RAB44: variants seen among roughly 807,000 people sequenced by gnomAD.
RAB44 encodes the protein RAB44, member RAS oncogene family.
In RAB44, 67 loss-of-function variants were observed where a neutral mutation model predicts 93.3. The observed-to-expected ratio is 0.72, with a 90% CI of 0.59 to 0.88. The LOEUF (loss-of-function observed/expected upper bound fraction) is 0.88. Ranked by LOEUF, RAB44 falls within the 40% of genes least tolerant of loss-of-function variation. RAB44 has a pLI of 0.00. For missense variants in RAB44, 1,064 were observed against 1,261.7 expected, an observed-to-expected ratio of 0.84 and a Z score of 2.37; for synonymous variants, 427 against 520.3, an observed-to-expected ratio of 0.82 and a Z score of 2.44.
intron 2 of RAB44, among the ~76,000 whole-genome samples, chr6:36,712,922 A>G (rs573794407): frequency 4.6e-5 from 7 of 152,308 alleles, no homozygotes; most frequent in African/African-American, 1.2e-4. Context: ...ACAGAAAGGA[A>G]AAAAAGTAAC....
intron 7 of RAB44, 112 bp downstream of exon 7, chr6:36,718,700 G>A: frequency 2.1e-6 from 1 of 478,154 alleles, no homozygotes; most frequent in Non-Finnish European, 3.3e-6. Context: ...AGAAGGTACT[G>A]TGATGATTAG....
At chr6:36,712,027 G>T (rs552819563) in intron 2 of RAB44, among the ~76,000 whole-genome samples, 5 of 152,342 alleles carry the variant, frequency 3.3e-5, no homozygotes, top group Admixed American at 6.5e-5. Context: ...AGCAGGCTGG[G>T]CGTGGTGGCT....
chr6:36,716,899 C>A (rs1184262225), intron 4 of RAB44, among the ~76,000 whole-genome samples: 1 of 152,176 alleles, frequency 6.6e-6, no homozygotes, highest in Non-Finnish European at 1.5e-5. Flanking sequence ...CAGGTATCAG[C>A]CCCCACCCCA....
intron 2 of RAB44, among the ~76,000 whole-genome samples, chr6:36,712,814 A>G (rs1762819925): frequency 6.6e-6 from 1 of 152,268 alleles, no homozygotes; most frequent in Non-Finnish European, 1.5e-5. Context: ...CAAATAGAAC[A>G]TAAAGACCAT....
In RAB44 at chr6:36,726,495, G is replaced by A. The variant is rs529491495; in HGVS notation, c.2681+552G>A. ...CCTGACCTCGTGATCTACCTGCCTC[G>A]GCCTCCCAAAGTGCTGGGATTACAG... On this transcript the variant is annotated intron_variant, in intron 10 of 13. Coordinates refer to ENST00000612677, the MANE Select transcript of RAB44 (RefSeq NM_001257357.2). Among the ~76,000 whole-genome samples, 72 of 152,050 alleles carry A rather than the reference G, an allele frequency of 4.7e-4. 2 individuals are homozygous for A. The South Asian group carries it at 9.1e-3, about 19-fold the overall frequency.
chr6:36,716,291 GA>G (rs1762919567), intron 4 of RAB44, among the ~76,000 whole-genome samples: 1 of 151,992 alleles, frequency 6.6e-6, no homozygotes, highest in Admixed American at 6.6e-5. Context: ...CCAACATGAT[GA>G]AACCCCATCT....
intron 3 of RAB44, 76 bp from the exon 4 acceptor site, chr6:36,715,403 G>T: frequency 7.3e-7 from 1 of 1,377,876 alleles, no homozygotes; most frequent in South Asian, 1.3e-5. Flanking sequence ...CTGAGGGCTG[G>T]ACCAGGGCTG....
chr6:36,729,474 C>T (rs914965776), intron 12 of RAB44, among the ~76,000 whole-genome samples: 7 of 147,758 alleles, frequency 4.7e-5, no homozygotes, highest in Non-Finnish European at 1.0e-4. Context: ...AATTTTTTTT[C>T]TTTCTTTCTT....
At chr6:36,702,034 G>T (rs953468739) in intron 1 of RAB44, among the ~76,000 whole-genome samples, 1 of 152,096 alleles carries the variant, frequency 6.6e-6, no homozygotes, top group Non-Finnish European at 1.5e-5. Flanking sequence ...ATGATAGAGG[G>T]TGGGAAGGGT....
At position 36,715,033 on chromosome 6, in the gene RAB44, C is replaced by T. The variant is rs138520603; in HGVS notation, c.320-446C>T. Among the ~76,000 whole-genome samples, 55 of 152,086 alleles carry T rather than the reference C, an allele frequency of 3.6e-4. 2 individuals carry two copies. The East Asian group carries it at 9.5e-3, about 26-fold the overall frequency. ...ACACTGCTAGCCACCTCATCTAAGT[C>T]GATCCTCCCAGTCTCTCAGTGGAAA... On this transcript the variant is annotated intron_variant, in intron 3 of 13. Transcript: ENST00000612677.
Position 36,704,940 on chromosome 6 carries a change from T to C in RAB44, c.207+498T>C, listed in dbSNP as rs2150325020. ...TTCGAGACCAGCCTGGCCAACATGG[T>C]GAAACCCCGTCTCTACTAAAAATAC... On this transcript the variant is annotated intron_variant, in intron 2 of 13. Transcript: ENST00000612677. Among the ~76,000 whole-genome samples, 2 of 152,000 alleles carry C rather than the reference T, an allele frequency of 1.3e-5. 1 individual carries two copies. The highest frequency in any genetic ancestry group is 4.2e-4 in the South Asian group (2 of 4,812).
intron 7 of RAB44, among the ~76,000 whole-genome samples, chr6:36,719,838 C>T (rs1763025812): frequency 6.6e-6 from 1 of 152,174 alleles, no homozygotes; most frequent in Non-Finnish European, 1.5e-5. Context: ...GAGCTGTGGA[C>T]TGGAACAGAC....
chr6:36,730,482 A>G (rs1456778297), intron 12 of RAB44, among the ~76,000 whole-genome samples, 191 bp from the exon 13 acceptor site: 1 of 152,192 alleles, frequency 6.6e-6, no homozygotes, highest in Non-Finnish European at 1.5e-5. Context: ...AGCCGGGGTG[A>G]AGGGACAGTG....
chr6:36,728,952 G>A (rs977967567), intron 12 of RAB44, among the ~76,000 whole-genome samples, 151 bp downstream of exon 12: 4 of 152,150 alleles, frequency 2.6e-5, no homozygotes, highest in Non-Finnish European at 5.9e-5. Flanking sequence ...GTTCAGAGTG[G>A]ACAGCAGCCT....
intron 2 of RAB44, among the ~76,000 whole-genome samples, chr6:36,713,481 C>T (rs1582623159): frequency 6.6e-6 from 1 of 152,230 alleles, no homozygotes. Flanking sequence ...CAGGCTTGAG[C>T]CACCGCGCCT....
At chr6:36,730,469 G>C (rs1257560424) in intron 12 of RAB44, among the ~76,000 whole-genome samples, 2 of 152,196 alleles carry the variant, frequency 1.3e-5, no homozygotes, top group Non-Finnish European at 2.9e-5. Context: ...TGACACCTTG[G>C]CCAGCCGGGG....
chr6:36,730,644 A>T, intron 12 of RAB44, 29 bp from the exon 13 acceptor site: 1 of 1,224,664 alleles, frequency 8.2e-7, no homozygotes, highest in Non-Finnish European at 1.0e-6. Flanking sequence ...CTCCCAAGGC[A>T]CATATGTCCC....
chr6:36,714,877 C>A (rs960692233), intron 3 of RAB44, among the ~76,000 whole-genome samples: 1 of 152,212 alleles, frequency 6.6e-6, no homozygotes, highest in Non-Finnish European at 1.5e-5. Context: ...CCTCGTCCAT[C>A]TTGCTAGCCT....
chr6:36,710,128 A>G (rs1346032618), intron 2 of RAB44, among the ~76,000 whole-genome samples: 1 of 152,188 alleles, frequency 6.6e-6, no homozygotes, highest in East Asian at 1.9e-4. Flanking sequence ...TTGTACCACC[A>G]TTTCCCCAGC....
Sources: allele counts gnomAD v4.1 joint callset (sites outside exome capture counted in the v4.1 genomes callset), GRCh38; gene constraint gnomAD v4.1.1; transcripts MANE v1.5; gene names NCBI Gene and HGNC (gene_info 2026-07-23, HGNC 2026-07-21).